PLA2G4A: variants seen among roughly 807,000 people sequenced by gnomAD.
PLA2G4A encodes phospholipase A2 group IVA, also known as cytosolic phospholipase A2.
PLA2G4A carries 40 observed loss-of-function variants against 81.9 expected under a neutral mutation model. That is an observed-to-expected ratio of 0.49 (90% CI 0.38 to 0.64). The LOEUF is 0.64. Ranked by LOEUF, PLA2G4A falls within the 30% of genes least tolerant of loss-of-function variation. PLA2G4A has a pLI of 0.00. For synonymous variants in PLA2G4A, 302 were observed against 296.9 expected, an observed-to-expected ratio of 1.02 and a Z score of -0.18; for missense variants, 715 against 905.1, an observed-to-expected ratio of 0.79 and a Z score of 2.69.
intron 2 of PLA2G4A, among the ~76,000 whole-genome samples, chr1:186,863,605 T>TA (rs1177083720): frequency 2.6e-5 from 4 of 152,060 alleles, no homozygotes; most frequent in African/African-American, 9.7e-5. Context: ...CCTAACTTTT[T>TA]ACCCGTTTAC....
chr1:186,927,949 A>T (rs1171603615), intron 7 of PLA2G4A, among the ~76,000 whole-genome samples: 1 of 152,064 alleles, frequency 6.6e-6, no homozygotes, highest in Non-Finnish European at 1.5e-5. Flanking sequence ...ATCAATCTTT[A>T]TTCTTCTTTC....
chr1:186,911,056 A>G (rs868441868), intron 6 of PLA2G4A, among the ~76,000 whole-genome samples, 192 bp from the exon 7 acceptor site: 2 of 152,180 alleles, frequency 1.3e-5, no homozygotes, highest in Non-Finnish European at 2.9e-5. Flanking sequence ...CTCTGAAAAC[A>G]TGCTGTGGAA....
intron 12 of PLA2G4A, among the ~76,000 whole-genome samples, chr1:186,947,162 T>G (rs1238601539): frequency 6.6e-6 from 1 of 152,116 alleles, no homozygotes; most frequent in Non-Finnish European, 1.5e-5. Context: ...GTTATAAAAC[T>G]CATAAAAATC....
chr1:186,947,471 A>T (rs1265682680), intron 12 of PLA2G4A, among the ~76,000 whole-genome samples: 1 of 152,196 alleles, frequency 6.6e-6, no homozygotes, highest in African/African-American at 2.4e-5. Flanking sequence ...TTTTCATTAA[A>T]TCTAACCTAT....
chr1:186,835,895 C>G (rs1431250587), intron 1 of PLA2G4A, among the ~76,000 whole-genome samples: 4 of 152,094 alleles, frequency 2.6e-5, no homozygotes. Flanking sequence ...TAATCTATTA[C>G]TTGGTACTTA....
intron 1 of PLA2G4A, among the ~76,000 whole-genome samples, chr1:186,837,753 G>GAAAAAAAAAAAAAAAAAAAAAA (rs1267826917): frequency 8.5e-6 from 1 of 118,168 alleles, no homozygotes; most frequent in Non-Finnish European, 1.7e-5. Flanking sequence ...AAAAAAAAAA[G>GAAAAAAAAAAAAAAAAAAAAAA]AAAAAGAAAA....
chr1:186,977,745 C>T lies in PLA2G4A; in HGVS notation c.1917C>T (p.His639=). The stretch of plus-strand genomic sequence containing the variant: ...AGAAAGATTGCCCAACCATCATCCA[C>T]TTTGTTCTGGCCAACATCAACTTCA... ...DMEKDCPTII[H]FVLANINFRK... is the part of the protein sequence containing the mutation. The change falls in exon 16 of 18, where the codon CAC becomes CAT. Residue 639 remains histidine, a synonymous_variant. Coordinates refer to ENST00000367466, the MANE Select transcript of PLA2G4A (RefSeq NM_024420.3). 6.2e-7 allele frequency: 1 copy of T among 1,613,826 alleles called. No individual in the cohort carries two copies. Among genetic ancestry groups the T allele is most frequent in the South Asian group, 1.1e-5 (1 of 91,076 alleles).
intron 17 of PLA2G4A, among the ~76,000 whole-genome samples, chr1:186,983,486 TG>T (rs1452558412): frequency 1.3e-5 from 2 of 152,166 alleles, no homozygotes; most frequent in African/African-American, 4.8e-5. Flanking sequence ...ACCCTCCTAT[TG>T]CTTCATTTTA....
intron 7 of PLA2G4A, among the ~76,000 whole-genome samples, chr1:186,922,939 T>G (rs190885938): frequency 6.6e-6 from 1 of 152,352 alleles, no homozygotes; most frequent in South Asian, 2.1e-4. Flanking sequence ...ATTTTCACAG[T>G]GCTTTTCTAT....
In PLA2G4A at chr1:186,888,695, A is replaced by G. The variant is rs546466529; in HGVS notation, c.116-4316A>G. Among the ~76,000 whole-genome samples the G allele has an allele frequency of 2.4e-4, 37 of 152,308 alleles. 3 individuals carry two copies. The South Asian group carries it at 7.7e-3, about 32-fold the overall frequency. On this transcript the variant is annotated intron_variant, in intron 3 of 17. Transcript: ENST00000367466. ...CCTATCAAGGCTGAACTGCTTGTGA[A>G]TGAGCAATGCCTGGCATATAGTAGG...
chr1:186,955,607 A>G (rs1656717389), intron 13 of PLA2G4A, among the ~76,000 whole-genome samples: 1 of 152,192 alleles, frequency 6.6e-6, no homozygotes, highest in African/African-American at 2.4e-5. Flanking sequence ...TGTAGGTAAA[A>G]GGAGAACTAA....
intron 6 of PLA2G4A, among the ~76,000 whole-genome samples, chr1:186,907,732 T>C (rs1654792408): frequency 6.6e-6 from 1 of 152,240 alleles, no homozygotes. Context: ...GGCAAATGCA[T>C]GATAATAGGT....
At chr1:186,896,721 G>A (rs1654344717) in intron 5 of PLA2G4A, among the ~76,000 whole-genome samples, 1 of 152,196 alleles carries the variant, frequency 6.6e-6, no homozygotes, top group Non-Finnish European at 1.5e-5. Flanking sequence ...ATTTAAAGAA[G>A]ATTATGTAAC....
At chr1:186,866,269 A>T (rs573500378) in intron 2 of PLA2G4A, among the ~76,000 whole-genome samples, 20 of 152,322 alleles carry the variant, frequency 1.3e-4, no homozygotes, top group African/African-American at 4.8e-4. Context: ...TCATCGATTG[A>T]AACTGAACAT....
At chr1:186,903,108 TA>T (rs953408629) in intron 5 of PLA2G4A, among the ~76,000 whole-genome samples, 16 of 152,254 alleles carry the variant, frequency 1.1e-4, no homozygotes, top group African/African-American at 3.4e-4. Context: ...ATTGACCCTT[TA>T]AAAATGACTT....
chr1:186,913,143 C>T (rs1033672421), intron 7 of PLA2G4A, among the ~76,000 whole-genome samples: 4 of 151,156 alleles, frequency 2.6e-5, no homozygotes, highest in South Asian at 2.1e-4. Flanking sequence ...ATTGAAGGAT[C>T]GTACTTTCAA....
intron 2 of PLA2G4A, among the ~76,000 whole-genome samples, chr1:186,869,136 C>A (rs7541946): frequency 0.84 from 128,170 of 151,888 alleles, 54,229 homozygotes; most frequent in African/African-American, 0.9. Flanking sequence ...GATTTTAGTT[C>A]TTTCTTCTTT....
intron 12 of PLA2G4A, among the ~76,000 whole-genome samples, chr1:186,949,127 A>G (rs890527934): frequency 2.0e-5 from 3 of 152,266 alleles, no homozygotes; most frequent in African/African-American, 4.8e-5. Context: ...GGAGTTGTAC[A>G]TTATACTAGG....
intron 3 of PLA2G4A, 76 bp from the exon 4 acceptor site, chr1:186,892,935 A>G (rs1654197754): frequency 9.9e-7 from 1 of 1,008,214 alleles, no homozygotes; most frequent in South Asian, 1.3e-5. Flanking sequence ...ATAAACTGAC[A>G]ACATATATTA....
Sources: allele counts gnomAD v4.1 joint callset (sites outside exome capture counted in the v4.1 genomes callset), GRCh38; gene constraint gnomAD v4.1.1; transcripts MANE v1.5; gene names NCBI Gene and HGNC (gene_info 2026-07-23, HGNC 2026-07-21).